NUP188: variants seen among roughly 807,000 people sequenced by gnomAD.
NUP188 encodes nucleoporin 188, also known as nucleoporin NUP188.
NUP188 carries 97 observed loss-of-function variants against 223.0 expected under a neutral mutation model. That is an observed-to-expected ratio of 0.43 (90% confidence interval 0.37 to 0.51). NUP188 has a LOEUF of 0.51. NUP188 is among the 20% of genes least tolerant of loss of function. NUP188 has a pLI of 0.00. For missense variants in NUP188, 1,947 were observed against 2,175.6 expected, an observed-to-expected ratio of 0.89 and a Z score of 2.09; for synonymous variants, 869 against 828.0, an observed-to-expected ratio of 1.05 and a Z score of -0.85.
chr9:128,986,531 A>T (rs1306133172), intron 20 of NUP188, 27 bp from the exon 21 acceptor site: 2 of 1,605,512 alleles, frequency 1.2e-6, no homozygotes, highest in South Asian at 2.2e-5. Flanking sequence ...AAATGTGCGG[A>T]AGTCCTCACT....
rs199958000 is a variant in NUP188, at chr9:128,995,487, G to T, written c.3324G>T (p.Arg1108Ser). The T allele has an allele frequency of 1.2e-6, 2 of 1,604,160 alleles. No individual in the cohort carries two copies. Among genetic ancestry groups the T allele is most frequent in the East Asian group, 2.2e-5 (1 of 44,822 alleles). The change falls in exon 30 of 44, where the codon AGG becomes AGT. Residue 1108 changes from arginine (R) to serine (S), a missense_variant. Transcript: ENST00000372577. ...ACCAGATGCTGGTGTCCGCCTGGAG[G>T]ATGCTTCTCATCATTGCCACCACTC... ...LEYQMLVSAW[R>S]MLLIIATTHA...
At chr9:128,970,699 G>C in intron 10 of NUP188, 59 bp from the exon 11 acceptor site, 2 of 1,439,714 alleles carry the variant, frequency 1.4e-6, no homozygotes, top group Non-Finnish European at 2.0e-6. Flanking sequence ...GAAGAATCTG[G>C]TCGAGGGATA....
chr9:128,990,642 A>G (rs1482539676), intron 25 of NUP188, among the ~76,000 whole-genome samples: 1 of 152,212 alleles, frequency 6.6e-6, no homozygotes, highest in Non-Finnish European at 1.5e-5. Flanking sequence ...AGGCGGGTGT[A>G]TCACAGAGTC....
In NUP188 at chr9:128,998,152, C is replaced by A; in HGVS notation, c.3353C>A (p.Ala1118Glu). Residue 1118 changes from alanine (A) to glutamate (E), a missense_variant and splice_region_variant, in exon 31 of 44, where the codon GCA (alanine) becomes GAA (glutamate). By Grantham distance (107) the Ala-to-Glu change is moderately radical. Around this residue, in one of 3 missense-constraint regions of NUP188, gnomAD observed 905 missense variants for 990.6 expected, o/e 0.91. Coordinates refer to ENST00000372577, the MANE Select transcript of NUP188 (RefSeq NM_015354.3). The part of the protein sequence containing the change: ...RMLLIIATTH[A>E]DIMHLTDSVV... ...AAACCTTTTTCTGTTCCTTTGCAGG[C>A]AGATATAATGCACCTGACTGACTCT... 1 of 1,613,006 alleles carries A rather than the reference C, an allele frequency of 6.2e-7. No homozygotes were observed. The highest frequency in any genetic ancestry group is 8.5e-7 in the Non-Finnish European group (1 of 1,178,972).
intron 2 of NUP188, 78 bp downstream of exon 2, chr9:128,949,321 T>G (rs1841742791): frequency 1.0e-6 from 1 of 990,586 alleles, no homozygotes. Context: ...TTTTTTTAAA[T>G]GTAGGAAGTA....
chr9:128,990,261 A>G (rs183751094), intron 25 of NUP188, 35 bp downstream of exon 25: 6 of 1,520,644 alleles, frequency 3.9e-6, no homozygotes, highest in Non-Finnish European at 5.5e-6. Context: ...CACTGTTTAT[A>G]TGAGGGTGTT....
chr9:129,002,721 T>C, intron 36 of NUP188, 96 bp from the exon 37 acceptor site: 2 of 1,336,682 alleles, frequency 1.5e-6, no homozygotes, highest in African/African-American at 1.5e-5. Flanking sequence ...GGAGATCTTT[T>C]CCTTTCAGCG....
chr9:128,993,797 G>GCACTCTTATTCCC, intron 27 of NUP188, 103 bp downstream of exon 27: 4 of 1,039,868 alleles, frequency 3.8e-6, no homozygotes, highest in Non-Finnish European at 4.3e-6. Flanking sequence ...CTGGGAATAA[G>GCACTCTTATTCCC]AGTGCTTAGT....
intron 19 of NUP188, among the ~76,000 whole-genome samples, 155 bp downstream of exon 19, chr9:128,983,705 G>A (rs532371059): frequency 1.2e-3 from 189 of 152,246 alleles, no homozygotes; most frequent in Non-Finnish European, 2.0e-3. Context: ...GAGTGCAGTG[G>A]TGCAGCCTCC....
At chr9:128,963,309 G>A (rs903282006) in intron 8 of NUP188, among the ~76,000 whole-genome samples, 10 of 143,464 alleles carry the variant, frequency 7.0e-5, no homozygotes, top group Admixed American at 1.4e-4. Context: ...TTTTTGAGAC[G>A]GAGTCTCGCT....
chr9:128,985,071 A>G lies in NUP188; in HGVS notation c.2076+57A>G. ...AAAAGAAAAGGTCCAGTCTTGTCAGATGACTCTGAAATAGTTTCCCTGGCC... is the reference window on the plus strand; with the variant it reads ...AAAAGAAAAGGTCCAGTCTTGTCAGGTGACTCTGAAATAGTTTCCCTGGCC... On this transcript the variant is annotated intron_variant, in intron 20 of 43. Transcript: ENST00000372577. The G allele has an allele frequency of 4.8e-6, 6 of 1,249,436 alleles. No homozygotes were observed. In the Admixed American group the frequency reaches 9.3e-5, roughly 19 times the overall value. 77.4% of individuals were successfully genotyped at this position (1,249,436 alleles called of 1,614,324 possible). A position where few individuals can be genotyped will look rare whatever the true frequency, so the allele number is the denominator to read the frequency against.
rs1343788843 is a variant in NUP188 at position 129,002,981 on chromosome 9, G to C, written c.4296+6G>C. 1 of 1,613,554 alleles carries C rather than the reference G, an allele frequency of 6.2e-7. No homozygotes were observed. The highest frequency in any genetic ancestry group is 8.5e-7 in the Non-Finnish European group (1 of 1,179,844). ...ACCAGGAGCGGACCTTACAGGTGAGGGGCTGCCTGCATTGCAGGGGTGGGA... is the reference window on the plus strand; with the variant it reads ...ACCAGGAGCGGACCTTACAGGTGAGCGGCTGCCTGCATTGCAGGGGTGGGA... On this transcript the variant is annotated splice_donor_region_variant and intron_variant, in intron 37 of 43. Transcript: ENST00000372577.
At chr9:128,988,681 G>C (rs866467757) in intron 24 of NUP188, among the ~76,000 whole-genome samples, 2 of 148,204 alleles carry the variant, frequency 1.3e-5, no homozygotes, top group Non-Finnish European at 3.0e-5. Flanking sequence ...GCTATAGTTA[G>C]AGATTTTGAC....
At chr9:128,964,563 G>A (rs570780820) in intron 8 of NUP188, among the ~76,000 whole-genome samples, 1 of 147,860 alleles carries the variant, frequency 6.8e-6, no homozygotes, top group Non-Finnish European at 1.5e-5. Flanking sequence ...TGTAGAGATG[G>A]TTTTGCCATG....
chr9:129,005,134 G>A lies in NUP188; in HGVS notation c.4435-13G>A, dbSNP rs200837844. 2.5e-6 allele frequency: 4 copies of A among 1,610,364 alleles called. No homozygotes were observed. Among genetic ancestry groups the A allele is most frequent in the Admixed American group, 3.3e-5 (2 of 59,990 alleles). On this transcript the variant is annotated splice_polypyrimidine_tract_variant and intron_variant, in intron 38 of 43. Coordinates refer to ENST00000372577, the MANE Select transcript of NUP188 (RefSeq NM_015354.3). ...ACAAGAGAATCCGCTCATCTCTCCT[G>A]TGTCTCTCCCAGGTCAACCTGGGTT...
At chr9:128,961,135 T>C (rs1026746775) in intron 8 of NUP188, among the ~76,000 whole-genome samples, 9 of 130,622 alleles carry the variant, frequency 6.9e-5, no homozygotes, top group Non-Finnish European at 9.8e-5. Context: ...GTCTGGCCAA[T>C]ATGGTGAAGC....
chr9:129,003,075 G>A (rs1842703023), intron 37 of NUP188, 100 bp downstream of exon 37: 19 of 1,370,716 alleles, frequency 1.4e-5, no homozygotes, highest in East Asian at 2.4e-5. Context: ...CCTCAGTAGC[G>A]GAGGGTTGTC....
chr9:128,999,546 TC>T, intron 33 of NUP188, 77 bp from the exon 34 acceptor site: 1 of 1,467,022 alleles, frequency 6.8e-7, no homozygotes, highest in Non-Finnish European at 9.4e-7. Flanking sequence ...TCCAGCCCCT[TC>T]CTAGGAAGGA....
chr9:129,005,815 C>T (rs947999763), intron 41 of NUP188, 39 bp downstream of exon 41: 14 of 1,552,016 alleles, frequency 9.0e-6, no homozygotes, highest in Non-Finnish European at 1.2e-5. Context: ...CTCCCCCCGG[C>T]TCCTCCCCCT....
Sources: gnomAD v4.1 joint callset for allele counts (sites outside exome capture counted in the v4.1 genomes callset) on GRCh38, gnomAD v4.1.1 for gene constraint, gnomAD v4.1.1 regional missense constraint, MANE v1.5 for transcripts, NCBI Gene and HGNC (gene_info 2026-07-23, HGNC 2026-07-21) for gene names.